PHACTR1: variants seen among roughly 807,000 people sequenced by gnomAD.
The protein encoded by PHACTR1 is RPEL repeat containing 1.
A neutral mutation model predicts 69.2 loss-of-function variants in PHACTR1; 16 were observed. That is an observed-to-expected ratio of 0.23 (90% CI 0.16 to 0.35). PHACTR1 has a LOEUF of 0.35. Ranked by LOEUF, PHACTR1 falls within the 10% of genes least tolerant of loss-of-function variation. The probability of loss-of-function intolerance (pLI) is 1.00; values close to 1 mark genes in which losing one functional copy is unlikely to be tolerated. For synonymous variants in PHACTR1, 312 were observed against 284.5 expected (o/e 1.10, Z -0.97); for missense variants, 510 against 734.7 (o/e 0.69, Z 3.54).
Position 13,086,203 on chromosome 6 carries a change from GT to G in PHACTR1, c.415+32676del, listed in dbSNP as rs1438301530. 2.0e-5 allele frequency among the ~76,000 whole-genome samples: 3 copies of G among 151,270 alleles called. No homozygotes were observed. The East Asian group carries it at 5.8e-4, about 29-fold the overall frequency. ...TTTATGCCAAAATTTGAAAACCTAGGTTAAAAAGAGTTTCTATAACATAATA... is the reference window on the plus strand; with the variant it reads ...TTTATGCCAAAATTTGAAAACCTAGGTAAAAAGAGTTTCTATAACATAATA... On this transcript the variant is annotated intron_variant, in intron 5 of 14. Coordinates refer to ENST00000332995, the MANE Select transcript of PHACTR1 (RefSeq NM_030948.6).
intron 10 of PHACTR1, among the ~76,000 whole-genome samples, chr6:13,235,684 T>A (rs2127356695): frequency 6.6e-6 from 1 of 152,236 alleles, no homozygotes; most frequent in Non-Finnish European, 1.5e-5. Context: ...CTATAAAAAG[T>A]CAGTCATTCA....
chr6:12,779,240 C>T (rs1259540759), intron 4 of PHACTR1, among the ~76,000 whole-genome samples: 2 of 152,172 alleles, frequency 1.3e-5, no homozygotes, highest in Non-Finnish European at 2.9e-5. Context: ...AAGGCTGAGG[C>T]AGGAGAATCG....
At chr6:12,939,099 A>G (rs1284015274) in intron 4 of PHACTR1, among the ~76,000 whole-genome samples, 3 of 152,350 alleles carry the variant, frequency 2.0e-5, no homozygotes, top group Non-Finnish European at 4.4e-5. Flanking sequence ...AACCTAGGAC[A>G]TATAGATGCT....
At chr6:13,276,728 T>C (rs537185930) in intron 11 of PHACTR1, among the ~76,000 whole-genome samples, 25 of 152,006 alleles carry the variant, frequency 1.6e-4, no homozygotes, top group African/African-American at 6.0e-4. Flanking sequence ...GCCGAGATCA[T>C]GCCACTGCAC....
At chr6:13,116,630 G>A (rs949578881) in intron 5 of PHACTR1, among the ~76,000 whole-genome samples, 6 of 152,154 alleles carry the variant, frequency 3.9e-5, no homozygotes, top group Non-Finnish European at 8.8e-5. Flanking sequence ...GGATACAGAG[G>A]TATGCCCTTT....
rs558878346 is a variant in PHACTR1 at position 13,062,515 on chromosome 6, ATTC to A, written c.415+8992_415+8994del. Among the ~76,000 whole-genome samples, 5 of 152,250 alleles carry A rather than the reference ATTC, an allele frequency of 3.3e-5. No homozygotes were observed. The South Asian group carries it at 1.0e-3, about 32-fold the overall frequency. ...CATGGAAGCCCATGTTTCTAGAATT[ATTC>A]TTCTTTAAATAAAACTCCTTGGATA... is the stretch of plus-strand genomic sequence containing the variant. On this transcript the variant is annotated intron_variant, in intron 5 of 14. Transcript: ENST00000332995.
chr6:12,955,212 T>TTTTTTGA (rs1491549134), intron 4 of PHACTR1, among the ~76,000 whole-genome samples: 6 of 143,414 alleles, frequency 4.2e-5, no homozygotes, highest in African/African-American at 1.7e-4. Flanking sequence ...TTTTTTTTTT[T>TTTTTTGA]GAGAGAGATA....
chr6:12,814,847 T>C (rs1279456872), intron 4 of PHACTR1, among the ~76,000 whole-genome samples: 1 of 152,240 alleles, frequency 6.6e-6, no homozygotes, highest in Non-Finnish European at 1.5e-5. Flanking sequence ...GGCTGCTTTA[T>C]GCAACCAAGA....
intron 4 of PHACTR1, among the ~76,000 whole-genome samples, chr6:12,960,518 T>C (rs924527289): frequency 3.9e-5 from 6 of 152,184 alleles, no homozygotes; most frequent in Non-Finnish European, 4.4e-5. Flanking sequence ...ACAGAGGGCA[T>C]CAGTGGCAGC....
At chr6:12,938,920 C>T (rs528572497) in intron 4 of PHACTR1, among the ~76,000 whole-genome samples, 2 of 152,232 alleles carry the variant, frequency 1.3e-5, no homozygotes, top group South Asian at 2.1e-4. Flanking sequence ...AGTAGTGTTT[C>T]ATTGTATGGA....
At chr6:13,242,599 G>A (rs1372773337) in intron 10 of PHACTR1, among the ~76,000 whole-genome samples, 6 of 152,114 alleles carry the variant, frequency 3.9e-5, no homozygotes, top group Non-Finnish European at 7.4e-5. Context: ...CAATGAATTT[G>A]CACCTAAGGC....
At chr6:13,227,454 T>C (rs900154919) in intron 8 of PHACTR1, among the ~76,000 whole-genome samples, 2 of 152,236 alleles carry the variant, frequency 1.3e-5, no homozygotes, top group African/African-American at 2.4e-5. Context: ...ATTTGCCATC[T>C]TAACCATTCT....
intron 4 of PHACTR1, among the ~76,000 whole-genome samples, chr6:12,916,756 T>C (rs1308376360): frequency 2.0e-5 from 3 of 152,150 alleles, no homozygotes; most frequent in African/African-American, 7.2e-5. Context: ...AAAATTAAAA[T>C]GCTAGATCTT....
chr6:12,846,113 T>G (rs6940776), intron 4 of PHACTR1, among the ~76,000 whole-genome samples: 6,605 of 152,254 alleles, frequency 0.043, 447 homozygotes, highest in African/African-American at 0.15. Context: ...TCCAAACACA[T>G]AACATGAAGA....
intron 3 of PHACTR1, among the ~76,000 whole-genome samples, chr6:12,729,819 A>C (rs1763263134): frequency 2.6e-5 from 4 of 152,202 alleles, no homozygotes; most frequent in Admixed American, 2.6e-4. Flanking sequence ...GAGAATTCAA[A>C]AGGGGAGAGG....
intron 5 of PHACTR1, among the ~76,000 whole-genome samples, chr6:13,072,281 A>C (rs1809652925): frequency 6.6e-6 from 1 of 152,218 alleles, no homozygotes; most frequent in Admixed American, 6.5e-5. Flanking sequence ...ATGCCTTTAG[A>C]TCAGTCATTT....
At chr6:12,842,581 ACT>A (rs1778800788) in intron 4 of PHACTR1, among the ~76,000 whole-genome samples, 1 of 152,004 alleles carries the variant, frequency 6.6e-6, no homozygotes, top group Non-Finnish European at 1.5e-5. Context: ...TCTCACTCTC[ACT>A]CAGGCTGGAG....
Position 12,718,812 on chromosome 6 carries a change from C to T in PHACTR1, c.68C>T (p.Ser23Leu). The change falls in exon 3 of 15, where the codon TCA becomes TTA. Residue 23 changes from serine to leucine, a missense_variant. By Grantham distance (145) the Ser-to-Leu change is moderately radical. This residue lies in a region of PHACTR1 where 419 missense variants were observed against 530.9 expected (regional missense o/e 0.79). Coordinates refer to ENST00000332995, the MANE Select transcript of PHACTR1 (RefSeq NM_030948.6). ...ESAHRLLDVESAQRFFYSQGA... is the reference protein window; with the variant it reads ...ESAHRLLDVELAQRFFYSQGA... Reference sequence around the variant, plus strand: ...GCTCACAGACTCTTGGATGTTGAGTCAGCTCAAAGATTCTTCTACAGTCAA... The same window carrying T: ...GCTCACAGACTCTTGGATGTTGAGTTAGCTCAAAGATTCTTCTACAGTCAA... The T allele has an allele frequency of 6.4e-7, 1 of 1,571,954 alleles. No homozygotes were observed. The highest frequency in any genetic ancestry group is 8.6e-7 in the Non-Finnish European group (1 of 1,156,154).
chr6:13,193,357 G>GTATGTATATATATATATATATATATA (rs1554152203), intron 7 of PHACTR1, among the ~76,000 whole-genome samples: 1 of 68,198 alleles, frequency 1.5e-5, no homozygotes, highest in Admixed American at 1.9e-4. Context: ...AGCTCTCTGT[G>GTATGTATATATATATATATATATATA]TATATATATA....
Sources: gnomAD v4.1 joint callset for allele counts (sites outside exome capture counted in the v4.1 genomes callset) on GRCh38, gnomAD v4.1.1 for gene constraint, gnomAD v4.1.1 regional missense constraint, MANE v1.5 for transcripts, NCBI Gene and HGNC (gene_info 2026-07-23, HGNC 2026-07-21) for gene names.